The following SEMA5B variants were observed in gnomAD, a reference collection of about 807,000 sequenced individuals.
SEMA5B encodes the protein semaphorin 5B, also known as semaphorin-5B.
SEMA5B carries 66 observed loss-of-function variants against 135.0 expected under a neutral mutation model. That is an observed-to-expected ratio of 0.49 (90% confidence interval 0.40 to 0.60). The LOEUF (loss-of-function observed/expected upper bound fraction) is 0.60, where lower values mean the gene tolerates loss of function less well. Ranked by LOEUF, SEMA5B falls within the 20% of genes least tolerant of loss-of-function variation. The pLI is 0.00. For missense variants in SEMA5B, 1,501 were observed against 1,566.3 expected, an observed-to-expected ratio of 0.96 and a Z score of 0.70; for synonymous variants, 690 against 639.5, an observed-to-expected ratio of 1.08 and a Z score of -1.19.
At chr3:122,941,530 G>A (rs1424399664) in intron 4 of SEMA5B, among the ~76,000 whole-genome samples, 1 of 152,206 alleles carries the variant, frequency 6.6e-6, no homozygotes, top group African/African-American at 2.4e-5. Flanking sequence ...ATGATTTACT[G>A]CAGGCATGAT....
chr3:122,947,651 C>A (rs1347564462), intron 3 of SEMA5B, among the ~76,000 whole-genome samples: 1 of 152,200 alleles, frequency 6.6e-6, no homozygotes, highest in African/African-American at 2.4e-5. Flanking sequence ...CCTAGGCCTT[C>A]CCATCTGTAA....
At position 122,909,980 on chromosome 3, in the gene SEMA5B, A is replaced by G; in HGVS notation, c.*163T>C. On this transcript the variant is annotated 3_prime_UTR_variant, in exon 23 of 23. Transcript: ENST00000357599. ...AAACCAGCCCTTTCCCCCATGGTCA[A>G]TGCCAGCCAGAGCTCTCTGAAGCCG... 1.4e-6 allele frequency: 1 copy of G among 712,784 alleles called. No homozygotes were observed. Among genetic ancestry groups the G allele is most frequent in the Non-Finnish European group, 2.3e-6 (1 of 431,470 alleles). 44.2% of individuals were successfully genotyped at this position (712,784 alleles called of 1,614,324 possible). A position where few individuals can be genotyped will look rare whatever the true frequency, so the allele number is the denominator to read the frequency against.
Position 122,928,616 on chromosome 3 carries a change from C to A in SEMA5B, c.538-1G>T. Reference sequence around the variant, plus strand: ...CTCGCACGTAGTTCTGACACTCCTCCTGAGGCAGGAAGGAAAGGAGCAGAC... The same window carrying A: ...CTCGCACGTAGTTCTGACACTCCTCATGAGGCAGGAAGGAAAGGAGCAGAC... On this transcript the variant is annotated splice_acceptor_variant, in intron 6 of 22. Transcript: ENST00000357599. LOFTEE classifies it high-confidence loss of function. The A allele has an allele frequency of 6.4e-7, 1 of 1,552,984 alleles. No homozygotes were observed.
chr3:122,980,445 A>C (rs1941484110), intron 1 of SEMA5B, among the ~76,000 whole-genome samples: 2 of 142,746 alleles, frequency 1.4e-5, no homozygotes, highest in Non-Finnish European at 3.0e-5. Flanking sequence ...GTACAACAAG[A>C]GTGAAAAGCC....
Position 122,915,528 on chromosome 3 carries a change from A to C in SEMA5B, c.1900T>G (p.Cys634Gly). ...LDGDNSGSCL[C>G]RARSCDSPRP... ...GGGGAATCACAGGATCGAGCTCGAC[A>C]CAGGCAAGAGCCTGAGTTGTCCCCA... The change falls in exon 14 of 23, where the codon TGT becomes GGT. Residue 634 changes from cysteine (C) to glycine (G), a missense_variant. Physicochemically the swap from Cys to Gly is radical, Grantham distance 159. This residue lies in a region of SEMA5B where 927 missense variants were observed against 881.6 expected (regional missense o/e 1.05). Transcript: ENST00000357599. 1 of 1,614,066 alleles carries C rather than the reference A, an allele frequency of 6.2e-7. No homozygotes were observed. The highest frequency in any genetic ancestry group is 8.5e-7 in the Non-Finnish European group (1 of 1,180,002).
chr3:122,989,814 G>A (rs1043159768), intron 1 of SEMA5B, among the ~76,000 whole-genome samples: 7 of 152,312 alleles, frequency 4.6e-5, no homozygotes, highest in Non-Finnish European at 8.8e-5. Context: ...TTCCCTGGGG[G>A]AGTAAAGGTC....
At chr3:122,949,926 T>C (rs74683123) in intron 2 of SEMA5B, among the ~76,000 whole-genome samples, 185 of 152,282 alleles carry the variant, frequency 1.2e-3, no homozygotes, top group Non-Finnish European at 2.1e-3. Context: ...CCTTTAAATT[T>C]TGGGGGAGGC....
chr3:122,971,600 G>A (rs1941116932), intron 1 of SEMA5B, among the ~76,000 whole-genome samples: 1 of 152,266 alleles, frequency 6.6e-6, no homozygotes, highest in South Asian at 2.1e-4. Context: ...ATTTACCTCT[G>A]GATCCTCAGC....
Position 122,951,139 on chromosome 3 carries a change from G to T in SEMA5B, c.125-2430C>A, listed in dbSNP as rs149244752. Among the ~76,000 whole-genome samples the T allele has an allele frequency of 7.3e-3, 1,107 of 152,202 alleles. 10 individuals are homozygous for T. The highest frequency in any genetic ancestry group is 0.02 in the East Asian group (102 of 5,172). ...GTTGTAAGTGGAGGGGTCTTGTTCT[G>T]CTGCCCAGGCTTTCTGTAGGTTTTG... On this transcript the variant is annotated intron_variant, in intron 2 of 22. Transcript: ENST00000357599.
chr3:122,911,360 C>T (rs754034756), intron 21 of SEMA5B, 131 bp downstream of exon 21: 1 of 1,547,238 alleles, frequency 6.5e-7, no homozygotes. Context: ...CCCTACACAC[C>T]ATCTCAAAGC....
At chr3:122,911,113 C>T in intron 21 of SEMA5B, 68 bp from the exon 22 acceptor site, 2 of 1,368,648 alleles carry the variant, frequency 1.5e-6, no homozygotes, top group Admixed American at 4.2e-5. Context: ...GCCTGCCTCC[C>T]TGGGAGCAGA....
At chr3:123,009,814 GCT>G (rs968921922) in intron 1 of SEMA5B, among the ~76,000 whole-genome samples, 18 of 152,192 alleles carry the variant, frequency 1.2e-4, no homozygotes, top group African/African-American at 4.3e-4. Context: ...CATGGCTTTA[GCT>G]CTCTCTTTAA....
At position 122,915,556 on chromosome 3, in the gene SEMA5B, C is replaced by T. The variant is rs1421092116; in HGVS notation, c.1872G>A (p.Leu624=). 1.8e-5 allele frequency: 29 copies of T among 1,614,016 alleles called. No individual in the cohort carries two copies. The highest frequency in any genetic ancestry group is 4.0e-5 in the African/African-American group (3 of 74,930). ...GGCAAGAGCCTGAGTTGTCCCCATC[C>T]AAGTGCTCACATGGTTGCCATGGTG... is the stretch of plus-strand genomic sequence containing the variant. The part of the protein sequence containing the change: ...PWSPWQPCEH[L]DGDNSGSCLC... The change falls in exon 14 of 23, where the codon TTG becomes TTA. Residue 624 remains leucine, a synonymous_variant. Coordinates refer to ENST00000357599, the MANE Select transcript of SEMA5B (RefSeq NM_001031702.4).
At chr3:123,016,711 A>G (rs1273254658) in intron 1 of SEMA5B, among the ~76,000 whole-genome samples, 1 of 151,960 alleles carries the variant, frequency 6.6e-6, no homozygotes. Context: ...AGCAGCCAGG[A>G]CTACAGGTGC....
chr3:122,959,796 C>T (rs1356064359), intron 2 of SEMA5B, among the ~76,000 whole-genome samples: 2 of 152,126 alleles, frequency 1.3e-5, no homozygotes, highest in African/African-American at 4.8e-5. Context: ...TTGCCTTGCA[C>T]AGATTAGCAT....
At chr3:122,973,525 A>G (rs1198734024) in intron 1 of SEMA5B, among the ~76,000 whole-genome samples, 1 of 152,224 alleles carries the variant, frequency 6.6e-6, no homozygotes, top group African/African-American at 2.4e-5. Flanking sequence ...AGAGACCAGA[A>G]GGGAATAAAG....
chr3:122,943,400 T>G, intron 4 of SEMA5B, 36 bp downstream of exon 4: 1 of 1,447,762 alleles, frequency 6.9e-7, no homozygotes, highest in Non-Finnish European at 9.6e-7. Flanking sequence ...TCCAAGCCCC[T>G]GCACTTCCCA....
chr3:122,922,073 G>T lies in SEMA5B; in HGVS notation c.1530C>A (p.His510Gln), dbSNP rs1468125107. The change falls in exon 12 of 23, where the codon CAC becomes CAA. Residue 510 changes from histidine (H) to glutamine (Q), a missense_variant. His to Gln is a conservative substitution (Grantham distance 24). This residue lies in a region of SEMA5B where 927 missense variants were observed against 881.6 expected (regional missense o/e 1.05). Transcript: ENST00000357599. ...CGTGCAGCTCCTCCAGGTAGCAGCC[G>T]TGGAGGCTGCGGCTCGCCGTGGACA... is the stretch of plus-strand genomic sequence containing the variant. The part of the protein sequence containing the change: ...KALSTASRSL[H>Q]GCYLEELHVL... The T allele has an allele frequency of 2.0e-6, 3 of 1,496,060 alleles. No individual in the cohort carries two copies. The highest frequency in any genetic ancestry group is 1.4e-5 in the South Asian group (1 of 74,034). 92.7% of individuals were successfully genotyped at this position (1,496,060 alleles called of 1,614,324 possible). A position where few individuals can be genotyped will look rare whatever the true frequency, so the allele number is the denominator to read the frequency against.
At chr3:122,935,946 G>A (rs1335127309) in intron 5 of SEMA5B, among the ~76,000 whole-genome samples, 3 of 151,982 alleles carry the variant, frequency 2.0e-5, no homozygotes, top group Admixed American at 6.5e-5. Flanking sequence ...GCCTGCCTTG[G>A]GCTCCCAAAG....
Sources: allele counts gnomAD v4.1 joint callset (sites outside exome capture counted in the v4.1 genomes callset), GRCh38; gene constraint gnomAD v4.1.1; regional missense constraint gnomAD v4.1.1; transcripts MANE v1.5; gene names NCBI Gene and HGNC (gene_info 2026-07-23, HGNC 2026-07-21).